The following OLFM2 variants were observed in gnomAD, a reference collection of about 807,000 sequenced individuals.
The protein encoded by OLFM2 is olfactomedin 2.
OLFM2 carries 20 observed loss-of-function variants against 43.9 expected under a neutral mutation model. The ratio of observed to expected loss-of-function variants is 0.46; its 90% CI spans 0.32 to 0.66. The LOEUF (loss-of-function observed/expected upper bound fraction) is 0.66. Among genes scored for constraint, OLFM2 ranks in the 30% least tolerant of loss-of-function variants. The probability of loss-of-function intolerance (pLI) is 0.04; values close to 1 mark genes in which losing one functional copy is unlikely to be tolerated. For synonymous variants in OLFM2, 268 were observed against 278.6 expected (o/e 0.96, Z 0.38); for missense variants, 416 against 643.6 (o/e 0.65, Z 3.83).
At position 9,854,109 on chromosome 19, in the gene OLFM2, G is replaced by C; in HGVS notation, c.*77C>G. The C allele has an allele frequency of 8.2e-6, 11 of 1,347,980 alleles. No individual in the cohort carries two copies. In the South Asian group the frequency reaches 1.3e-4, roughly 16 times the overall value. 83.5% of individuals were successfully genotyped at this position (1,347,980 alleles called of 1,614,324 possible). ...TGACAGAGACAGAGAGATCACCCTT[G>C]AGGGACACAGGCAGAATGAAAAGGG... On this transcript the variant is annotated 3_prime_UTR_variant, in exon 6 of 6. Transcript: ENST00000264833. The surrounding 1 kb of genome is among the most constrained non-coding windows in gnomAD (Gnocchi z 9.5).
intron 1 of OLFM2, among the ~76,000 whole-genome samples, chr19:9,920,130 G>C (rs2086411153): frequency 6.6e-6 from 1 of 151,950 alleles, no homozygotes; most frequent in Admixed American, 6.6e-5. Context: ...ATTTTTTTAA[G>C]TAGCTGGGCA....
intron 1 of OLFM2, among the ~76,000 whole-genome samples, chr19:9,891,184 G>T (rs949264744): frequency 1.3e-5 from 2 of 149,608 alleles, no homozygotes; most frequent in Non-Finnish European, 3.0e-5. Context: ...CCTGGTGGTG[G>T]GTGCCTGTAA....
At chr19:9,874,259 C>G (rs1031008538) in intron 1 of OLFM2, among the ~76,000 whole-genome samples, 1 of 149,492 alleles carries the variant, frequency 6.7e-6, no homozygotes, top group African/African-American at 2.5e-5. Flanking sequence ...ACGTTTCTGT[C>G]TTGTTTTTTC....
At chr19:9,918,085 A>C (rs1285970316) in intron 1 of OLFM2, among the ~76,000 whole-genome samples, 3 of 151,658 alleles carry the variant, frequency 2.0e-5, no homozygotes, top group African/African-American at 7.3e-5. Flanking sequence ...CACCATGTTG[A>C]CCAGGCTGGT....
intron 1 of OLFM2, among the ~76,000 whole-genome samples, chr19:9,895,167 T>C (rs942985653): frequency 6.6e-6 from 1 of 152,114 alleles, no homozygotes; most frequent in South Asian, 2.1e-4. Context: ...TCTATCACCA[T>C]GCAATGGTCC....
intron 1 of OLFM2, among the ~76,000 whole-genome samples, chr19:9,896,622 T>C (rs1211767922): frequency 6.6e-6 from 1 of 152,184 alleles, no homozygotes; most frequent in Non-Finnish European, 1.5e-5. Flanking sequence ...CCCAGGGCCT[T>C]TGCATAAGCA....
Position 9,936,444 on chromosome 19 carries a change from C to CCCCG in OLFM2, c.-82_-79dup. 1 of 1,030,340 alleles carries CCCCG rather than the reference C, an allele frequency of 9.7e-7. No individual in the cohort carries two copies. The highest frequency in any genetic ancestry group is 1.2e-6 in the Non-Finnish European group (1 of 856,126). The allele number at this position is 1,030,340 out of a possible 1,614,324, so 63.8% of individuals were successfully genotyped here. ...GCGCGGGGACCGCCACCAGGCGCGA[C>CCCCG]CCCGCCCGCCCGGCCGGGGCGACCC... On this transcript the variant is annotated 5_prime_UTR_variant, in exon 1 of 6. Coordinates refer to ENST00000264833, the MANE Select transcript of OLFM2 (RefSeq NM_058164.4).
intron 1 of OLFM2, among the ~76,000 whole-genome samples, chr19:9,870,660 G>A (rs556216278): frequency 1.3e-5 from 2 of 151,998 alleles, no homozygotes; most frequent in East Asian, 1.9e-4. Flanking sequence ...GCCAATCCCC[G>A]CACTCTCCCC....
chr19:9,856,723 G>C lies in OLFM2; in HGVS notation c.687+84C>G. ...ACTTTGGGCTACAAGACAGTCACCA[G>C]TGTGGACTCCCTAGGCACCTATGGG... On this transcript the variant is annotated intron_variant, in intron 5 of 5. Transcript: ENST00000264833. This position sits in a 1 kb window ranked among gnomAD's most constrained non-coding sequence, Gnocchi z 4.0. 9.1e-7 allele frequency: 1 copy of C among 1,098,766 alleles called. No individual in the cohort carries two copies. Among genetic ancestry groups the C allele is most frequent in the Non-Finnish European group, 1.4e-6 (1 of 739,574 alleles). The allele number at this position is 1,098,766 out of a possible 1,614,324, so 68.1% of individuals were successfully genotyped here.
chr19:9,932,136 G>C (rs2145013523), intron 1 of OLFM2, among the ~76,000 whole-genome samples: 1 of 152,152 alleles, frequency 6.6e-6, no homozygotes, highest in East Asian at 1.9e-4. Flanking sequence ...ATGAATAGAA[G>C]AATCATAGAA....
intron 1 of OLFM2, among the ~76,000 whole-genome samples, chr19:9,916,952 C>A (rs903349472): frequency 3.9e-5 from 6 of 152,120 alleles, no homozygotes; most frequent in Non-Finnish European, 7.3e-5. Flanking sequence ...TCTGCACCCA[C>A]CTCTCTGGCT....
At chr19:9,915,381 G>C (rs1240568999) in intron 1 of OLFM2, among the ~76,000 whole-genome samples, 1 of 151,358 alleles carries the variant, frequency 6.6e-6, no homozygotes, top group African/African-American at 2.4e-5. Context: ...TGGATGTGAA[G>C]ATGAATATTC....
At position 9,898,071 on chromosome 19, in the gene OLFM2, AT is replaced by A. The variant is rs35231898; in HGVS notation, c.64-37278del. Among the ~76,000 whole-genome samples, 393 of 127,842 alleles carry A rather than the reference AT, an allele frequency of 3.1e-3. 3 individuals are homozygous for A. The highest frequency in any genetic ancestry group is 9.1e-3 in the African/African-American group (315 of 34,718). The allele number at this position is 127,842 out of a possible 152,430, so 83.9% of individuals were successfully genotyped here. ...AGATGCATGCTACTGTGCCCAGCTA[AT>A]TTTTTTTTTTTTTTTTGAGACAGAC... On this transcript the variant is annotated intron_variant, in intron 1 of 5. Coordinates refer to ENST00000264833, the MANE Select transcript of OLFM2 (RefSeq NM_058164.4).
chr19:9,891,489 C>G (rs10409562), intron 1 of OLFM2, among the ~76,000 whole-genome samples: 61,612 of 149,848 alleles, frequency 0.41, 13,318 homozygotes, highest in Admixed American at 0.53. Flanking sequence ...GCCAGGTGTG[C>G]TGGCACGTGC....
intron 1 of OLFM2, chr19:9,913,635 C>T (rs1014496652): frequency 1.6e-6 from 2 of 1,269,378 alleles, no homozygotes; most frequent in South Asian, 1.9e-5. Context: ...CCGCCTCATG[C>T]CCCGCGGCCG....
intron 1 of OLFM2, among the ~76,000 whole-genome samples, chr19:9,933,633 G>A (rs958679095): frequency 6.7e-5 from 9 of 134,580 alleles, no homozygotes; most frequent in East Asian, 2.4e-4. Context: ...GCAGCTCACC[G>A]CAACCTCTGC....
At position 9,891,505 on chromosome 19, in the gene OLFM2, G is replaced by GTCCCAGCT. The variant is rs548252179; in HGVS notation, c.64-30719_64-30712dup. Among the ~76,000 whole-genome samples the GTCCCAGCT allele has an allele frequency of 1.4e-3, 207 of 149,130 alleles. 1 individual carries two copies. The highest frequency in any genetic ancestry group is 5.0e-3 in the African/African-American group (202 of 40,410). On this transcript the variant is annotated intron_variant, in intron 1 of 5. Transcript: ENST00000264833. ...CCAGGTGTGCTGGCACGTGCCTGTAGTCCCAGCTACTTGGGAGGCTGAGGC... is the reference window on the plus strand; with the variant it reads ...CCAGGTGTGCTGGCACGTGCCTGTAGTCCCAGCTTCCCAGCTACTTGGGAGGCTGAGGC...
intron 1 of OLFM2, among the ~76,000 whole-genome samples, chr19:9,912,264 A>G (rs2046833061): frequency 1.3e-5 from 2 of 152,084 alleles, no homozygotes; most frequent in Admixed American, 6.6e-5. Context: ...GTCAAGCCCA[A>G]TACCACCCCC....
chr19:9,880,221 T>C (rs1475271380), intron 1 of OLFM2, among the ~76,000 whole-genome samples: 2 of 152,148 alleles, frequency 1.3e-5, no homozygotes, highest in Non-Finnish European at 2.9e-5. Context: ...TAGCTAAGTT[T>C]ACGGATGTAG....
Sources: gnomAD v4.1 joint callset for allele counts (sites outside exome capture counted in the v4.1 genomes callset) on GRCh38, gnomAD v4.1.1 for gene constraint, Gnocchi (gnomAD v3.1) non-coding constraint, MANE v1.5 for transcripts, NCBI Gene and HGNC (gene_info 2026-07-23, HGNC 2026-07-21) for gene names.